The following MDFIC2 variants were observed in gnomAD, a reference collection of about 807,000 sequenced individuals.
The protein encoded by MDFIC2 is myoD family inhibitor domain-containing protein 2.
chr3:70,266,337 C>T (rs879310503), intron 2 of MDFIC2, among the ~76,000 whole-genome samples: 25 of 152,072 alleles, frequency 1.6e-4, no homozygotes, highest in African/African-American at 2.9e-4. Flanking sequence ...AAACTGTAAT[C>T]GTTATTAAAT....
At chr3:70,287,319 G>C (rs941067130) in intron 2 of MDFIC2, among the ~76,000 whole-genome samples, 1 of 145,532 alleles carries the variant, frequency 6.9e-6, no homozygotes, top group Non-Finnish European at 1.5e-5. Context: ...AGATAATCAT[G>C]TGGTTTTTGT....
chr3:70,237,164 G>A (rs1289287670), intron 2 of MDFIC2, among the ~76,000 whole-genome samples: 2 of 152,104 alleles, frequency 1.3e-5, no homozygotes, highest in Admixed American at 6.5e-5. Flanking sequence ...ATGTAAAGGG[G>A]GCCAAGCTGT....
chr3:70,293,472 A>T (rs1477137216), intron 2 of MDFIC2, among the ~76,000 whole-genome samples: 1 of 152,132 alleles, frequency 6.6e-6, no homozygotes, highest in Non-Finnish European at 1.5e-5. Context: ...TATTAGTGAC[A>T]AAATCACAGG....
At chr3:70,263,633 T>A (rs1996818) in intron 2 of MDFIC2, among the ~76,000 whole-genome samples, 2 of 151,954 alleles carry the variant, frequency 1.3e-5, no homozygotes, top group African/African-American at 4.8e-5. Context: ...TAGATGGTAT[T>A]CAGCAAAAGA....
At chr3:70,306,304 G>C (rs553559110) in intron 2 of MDFIC2, among the ~76,000 whole-genome samples, 2 of 152,042 alleles carry the variant, frequency 1.3e-5, no homozygotes, top group African/African-American at 4.8e-5. Flanking sequence ...GTAAAGACGG[G>C]GTTTCACCAT....
intron 2 of MDFIC2, among the ~76,000 whole-genome samples, chr3:70,277,641 C>A (rs1275831324): frequency 6.6e-6 from 1 of 152,156 alleles, no homozygotes; most frequent in African/African-American, 2.4e-5. Flanking sequence ...TGGTTTATTT[C>A]TTCTAATGAA....
At chr3:70,292,511 G>A (rs1702247988) in intron 2 of MDFIC2, among the ~76,000 whole-genome samples, 1 of 152,010 alleles carries the variant, frequency 6.6e-6, no homozygotes. Flanking sequence ...CAAGCCATGT[G>A]GATCTGACTC....
At chr3:70,246,796 A>T (rs1324486298) in intron 2 of MDFIC2, among the ~76,000 whole-genome samples, 11 of 152,074 alleles carry the variant, frequency 7.2e-5, no homozygotes, top group Admixed American at 2.6e-4. Flanking sequence ...ACATTTTTAG[A>T]GGGAAAAAAA....
At chr3:70,302,335 C>T (rs1315505219) in intron 2 of MDFIC2, among the ~76,000 whole-genome samples, 2 of 151,962 alleles carry the variant, frequency 1.3e-5, no homozygotes, top group African/African-American at 4.8e-5. Context: ...CCTCTAAATG[C>T]AGTTCCTAAG....
At chr3:70,306,352 C>G (rs948323125) in intron 2 of MDFIC2, among the ~76,000 whole-genome samples, 6 of 152,144 alleles carry the variant, frequency 3.9e-5, no homozygotes, top group African/African-American at 7.2e-5. Flanking sequence ...ACCTCATGAT[C>G]TACCCGCCTC....
At chr3:70,292,988 A>T (rs1702253132) in intron 2 of MDFIC2, among the ~76,000 whole-genome samples, 1 of 150,996 alleles carries the variant, frequency 6.6e-6, no homozygotes, top group South Asian at 2.1e-4. Flanking sequence ...TTTTCCAAAG[A>T]AATAAAGGCT....
At chr3:70,220,840 C>T (rs1300182519) in intron 2 of MDFIC2, among the ~76,000 whole-genome samples, 1 of 152,100 alleles carries the variant, frequency 6.6e-6, no homozygotes, top group Non-Finnish European at 1.5e-5. Context: ...TTTTGTGCTT[C>T]CATGACATTC....
intron 2 of MDFIC2, among the ~76,000 whole-genome samples, chr3:70,298,613 C>T (rs1326613107): frequency 6.6e-6 from 1 of 152,094 alleles, no homozygotes; most frequent in Non-Finnish European, 1.5e-5. Flanking sequence ...TTAAAATCAC[C>T]ATGACTGTGC....
Position 70,244,072 on chromosome 3 carries a change from C to T in MDFIC2, c.89-37282G>A, listed in dbSNP as rs909313835. On this transcript the variant is annotated intron_variant, in intron 2 of 3. Coordinates refer to ENST00000567252, the MANE Select transcript of MDFIC2 (RefSeq NM_001364677.1). ...CTTCACAGATTTTCCACCGTAACTACTTTCCTAGCCTAACCTCCCTGCTCT... is the reference window on the plus strand; with the variant it reads ...CTTCACAGATTTTCCACCGTAACTATTTTCCTAGCCTAACCTCCCTGCTCT... Among the ~76,000 whole-genome samples, 4 of 152,322 alleles carry T rather than the reference C, an allele frequency of 2.6e-5. No homozygotes were observed. The East Asian group carries it at 5.8e-4, about 22-fold the overall frequency.
chr3:70,245,671 TTATATA>T (rs34480688), intron 2 of MDFIC2, among the ~76,000 whole-genome samples: 4,615 of 57,174 alleles, frequency 0.081, 191 homozygotes, highest in African/African-American at 0.15. Flanking sequence ...GCAAACTGCT[TTATATA>T]TATATATATA....
At chr3:70,250,354 C>T (rs1442302678) in intron 2 of MDFIC2, among the ~76,000 whole-genome samples, 1 of 151,688 alleles carries the variant, frequency 6.6e-6, no homozygotes, top group African/African-American at 2.4e-5. Flanking sequence ...ATTGAGAAGT[C>T]ATGCCCTGTG....
At chr3:70,261,932 G>A (rs916676567) in intron 2 of MDFIC2, among the ~76,000 whole-genome samples, 1 of 152,092 alleles carries the variant, frequency 6.6e-6, no homozygotes, top group Non-Finnish European at 1.5e-5. Context: ...AAACGGCCAA[G>A]TTTAAAGCCC....
Position 70,198,342 on chromosome 3 carries a change from T to C in MDFIC2, c.311-1157A>G, listed in dbSNP as rs116332631. On this transcript the variant is annotated intron_variant, in intron 3 of 3. Coordinates refer to ENST00000567252, the MANE Select transcript of MDFIC2 (RefSeq NM_001364677.1). ...TTAGTCAATGGGGAGTATATAAGCA[T>C]ATAGAAGAGATTTTGCCTACAGTAT... is the stretch of plus-strand genomic sequence containing the variant. Among the ~76,000 whole-genome samples, 1,243 of 152,234 alleles carry C rather than the reference T, an allele frequency of 8.2e-3. 15 individuals carry two copies. The highest frequency in any genetic ancestry group is 0.028 in the African/African-American group (1,180 of 41,546).
At chr3:70,282,346 T>C (rs1702094183) in intron 2 of MDFIC2, among the ~76,000 whole-genome samples, 1 of 152,150 alleles carries the variant, frequency 6.6e-6, no homozygotes, top group Non-Finnish European at 1.5e-5. Context: ...CCCTATCAAA[T>C]TCCCAAATGC....
Sources: gnomAD v4.1 joint callset for allele counts (sites outside exome capture counted in the v4.1 genomes callset) on GRCh38, gnomAD v4.1.1 for gene constraint, MANE v1.5 for transcripts, NCBI Gene and HGNC (gene_info 2026-07-23, HGNC 2026-07-21) for gene names.